PRKDC: variants seen among roughly 807,000 people sequenced by gnomAD.
PRKDC encodes protein kinase, DNA-activated, catalytic subunit.
In PRKDC, 82 loss-of-function variants were observed where a neutral mutation model predicts 486.9. That is an observed-to-expected ratio of 0.17 (90% confidence interval 0.14 to 0.20). The LOEUF is 0.20. Ranked by LOEUF, PRKDC falls within the 10% of genes least tolerant of loss-of-function variation. The probability of loss-of-function intolerance (pLI) is 1.00; values close to 1 mark genes in which losing one functional copy is unlikely to be tolerated. For synonymous variants in PRKDC, 1,895 were observed against 1,837.0 expected (o/e 1.03, Z -0.81); for missense variants, 4,504 against 5,038.2 (o/e 0.89, Z 3.21).
At chr8:47,791,949 T>C (rs758386006) in intron 74 of PRKDC, among the ~76,000 whole-genome samples, 87 of 152,096 alleles carry the variant, frequency 5.7e-4, no homozygotes, top group Admixed American at 1.4e-3. Flanking sequence ...AACCTAAGTG[T>C]CCATCAACAG....
chr8:47,798,998 T>G (rs1000707108), intron 72 of PRKDC, among the ~76,000 whole-genome samples: 1 of 151,982 alleles, frequency 6.6e-6, no homozygotes, highest in Non-Finnish European at 1.5e-5. Flanking sequence ...CTTAGTAGAG[T>G]TGGGGTTTCA....
At chr8:47,822,674 C>T (rs1185702154) in intron 64 of PRKDC, among the ~76,000 whole-genome samples, 2 of 152,104 alleles carry the variant, frequency 1.3e-5, no homozygotes, top group Non-Finnish European at 2.9e-5. Flanking sequence ...CCTGTAGTCC[C>T]AGCTACTCGG....
At chr8:47,937,024 C>G (rs961396526) in intron 11 of PRKDC, among the ~76,000 whole-genome samples, 2 of 149,026 alleles carry the variant, frequency 1.3e-5, no homozygotes, top group Admixed American at 1.3e-4. Context: ...GAGGCCGAGG[C>G]GGGCAGATCA....
Position 47,823,906 on chromosome 8 carries a change from T to C in PRKDC, c.8874A>G (p.Leu2958=), listed in dbSNP as rs1218180587. The C allele has an allele frequency of 6.2e-7, 1 of 1,613,832 alleles. No homozygotes were observed. Among genetic ancestry groups the C allele is most frequent in the East Asian group, 2.2e-5 (1 of 44,880 alleles). ...CAGAATAATCACTTCTGGCTTCTGC[T>C]AATAATGCACTCTGAGTGATTTGCT... is the stretch of plus-strand genomic sequence containing the variant. The part of the protein sequence containing the change: ...GTKQITQSAL[L]AEARSDYSEA... Residue 2958 remains leucine (L), a synonymous_variant, in exon 64 of 86, where the codon TTA becomes TTG. Coordinates refer to ENST00000314191, the MANE Select transcript of PRKDC (RefSeq NM_006904.7).
In PRKDC at chr8:47,828,151, G is replaced by A. The variant is rs184210808; in HGVS notation, c.8577+17C>T. 213 of 1,603,074 alleles carry A rather than the reference G, an allele frequency of 1.3e-4. No homozygotes were observed. In the African/African-American group the frequency reaches 2.7e-3, roughly 20 times the overall value. Reference sequence around the variant, plus strand: ...CAGCAAACAATGTATATTTGATGAAGTGTGTGCAGACTTTACCTGAATACA... The same window carrying A: ...CAGCAAACAATGTATATTTGATGAAATGTGTGCAGACTTTACCTGAATACA... On this transcript the variant is annotated intron_variant, in intron 62 of 85. Transcript: ENST00000314191.
chr8:47,838,366 G>T (rs544930194), intron 56 of PRKDC, among the ~76,000 whole-genome samples: 13 of 152,078 alleles, frequency 8.5e-5, no homozygotes, highest in Non-Finnish European at 1.8e-4. Context: ...TTAAAATCCC[G>T]GCACTTTGGC....
At chr8:47,892,988 T>C (rs1051873953) in intron 31 of PRKDC, 151 bp downstream of exon 31, 1 of 844,368 alleles carries the variant, frequency 1.2e-6, no homozygotes, top group Admixed American at 3.9e-5. Flanking sequence ...GTGTGAAGAA[T>C]GGAACCCTTG....
At chr8:47,858,001 C>T (rs2088583708) in intron 48 of PRKDC, among the ~76,000 whole-genome samples, 1 of 152,170 alleles carries the variant, frequency 6.6e-6, no homozygotes, top group South Asian at 2.1e-4. Flanking sequence ...TTGGCTCACC[C>T]AGGGACCACC....
intron 74 of PRKDC, among the ~76,000 whole-genome samples, chr8:47,789,526 G>A (rs1234268130): frequency 6.6e-6 from 1 of 152,004 alleles, no homozygotes; most frequent in Non-Finnish European, 1.5e-5. Flanking sequence ...AAACACAAGG[G>A]AGGAGGGAAT....
intron 84 of PRKDC, 128 bp from the exon 85 acceptor site, chr8:47,777,111 A>G: frequency 8.4e-7 from 1 of 1,193,172 alleles, no homozygotes; most frequent in Non-Finnish European, 1.2e-6. Context: ...CTTGCTTTCT[A>G]CAGCTACAAA....
At chr8:47,917,120 T>A (rs552746674) in intron 22 of PRKDC, among the ~76,000 whole-genome samples, 1 of 152,046 alleles carries the variant, frequency 6.6e-6, no homozygotes, top group Non-Finnish European at 1.5e-5. Flanking sequence ...CTGGGCATAG[T>A]GGCACATGCC....
intron 30 of PRKDC, among the ~76,000 whole-genome samples, chr8:47,895,981 G>A (rs1179217483): frequency 6.6e-6 from 1 of 152,098 alleles, no homozygotes; most frequent in Admixed American, 6.6e-5. Flanking sequence ...AGAGGCTGCA[G>A]TGAGCCAAGA....
At chr8:47,920,547 A>C (rs2090054838) in intron 21 of PRKDC, among the ~76,000 whole-genome samples, 1 of 152,234 alleles carries the variant, frequency 6.6e-6, no homozygotes, top group Admixed American at 6.5e-5. Flanking sequence ...AAGGAAGTTG[A>C]ACTAACAGTG....
At chr8:47,842,169 C>G (rs1041435200) in intron 54 of PRKDC, among the ~76,000 whole-genome samples, 1 of 152,144 alleles carries the variant, frequency 6.6e-6, no homozygotes, top group African/African-American at 2.4e-5. Flanking sequence ...ACCAGGGCCC[C>G]CCTTGGGGTT....
chr8:47,907,725 G>C (rs1434394315), intron 25 of PRKDC, among the ~76,000 whole-genome samples: 1 of 151,712 alleles, frequency 6.6e-6, no homozygotes, highest in Admixed American at 6.6e-5. Context: ...AGTAGCAACA[G>C]GGTTTCACCA....
At chr8:47,784,605 A>C (rs1030745721) in intron 77 of PRKDC, among the ~76,000 whole-genome samples, 3 of 152,208 alleles carry the variant, frequency 2.0e-5, no homozygotes, top group Non-Finnish European at 4.4e-5. Context: ...TCCTCTGAAA[A>C]AGTCACGCCT....
rs778692758 is a variant in PRKDC, at chr8:47,858,929, T to C, written c.6265A>G (p.Asn2089Asp). ...AGGGGCGCCATGCACTCATGCCGAT[T>C]GAGCTCGTCCATCTCCAGCTCCAGC... The part of the protein sequence containing the change: ...DVLELEMDEL[N>D]RHECMAPLTA... Residue 2089 changes from asparagine to aspartate, a missense_variant, in exon 47 of 86, where the codon AAT becomes GAT. Around this residue, in one of 6 missense-constraint regions of PRKDC, gnomAD observed 1,592 missense variants for 1,724.6 expected, o/e 0.92. Transcript: ENST00000314191. 3.7e-6 allele frequency: 6 copies of C among 1,613,780 alleles called. No individual in the cohort carries two copies. In the South Asian group the frequency reaches 5.5e-5, roughly 15 times the overall value.
At chr8:47,908,002 C>A (rs2089822802) in intron 25 of PRKDC, among the ~76,000 whole-genome samples, 1 of 152,142 alleles carries the variant, frequency 6.6e-6, no homozygotes, top group Non-Finnish European at 1.5e-5. Flanking sequence ...GCAAGTATTT[C>A]TAAATTATGA....
Position 47,935,815 on chromosome 8 carries a change from A to G in PRKDC, c.1364T>C (p.Leu455Pro). 1.9e-6 allele frequency: 3 copies of G among 1,614,048 alleles called. No individual in the cohort carries two copies. Among genetic ancestry groups the G allele is most frequent in the Non-Finnish European group, 2.5e-6 (3 of 1,179,888 alleles). Reference sequence around the variant, plus strand: ...CTTCACTATGGCTCTGCAACACACCAGCTGCATTTTTGGACTGTACTGTGG... The same window carrying G: ...CTTCACTATGGCTCTGCAACACACCGGCTGCATTTTTGGACTGTACTGTGG... ...SFPQYSPKMQ[L>P]VCCRAIVKVF... Residue 455 changes from leucine (L) to proline (P), a missense_variant, in exon 13 of 86, where the codon CTG (leucine) becomes CCG (proline). Physicochemically the swap from Leu to Pro is moderately conservative, Grantham distance 98. Transcript: ENST00000314191.
Sources: allele counts gnomAD v4.1 joint callset (sites outside exome capture counted in the v4.1 genomes callset), GRCh38; gene constraint gnomAD v4.1.1; regional missense constraint gnomAD v4.1.1; transcripts MANE v1.5; gene names NCBI Gene and HGNC (gene_info 2026-07-23, HGNC 2026-07-21).